TAFA2: variants seen among roughly 807,000 people sequenced by gnomAD.
TAFA2 encodes the protein chemokine-like protein TAFA-2.
A neutral mutation model predicts 18.8 loss-of-function variants in TAFA2; 7 were observed. The observed-to-expected ratio is 0.37, with a 90% CI of 0.21 to 0.70. TAFA2 has a LOEUF of 0.70. TAFA2 is among the 30% of genes least tolerant of loss of function. The pLI is 0.53. For synonymous variants in TAFA2, 60 were observed against 54.2 expected (o/e 1.11, Z -0.47); for missense variants, 122 against 158.1 (o/e 0.77, Z 1.23).
In TAFA2 at chr12:61,771,304, C is replaced by A. The variant is rs543586982; in HGVS notation, c.107-16280G>T. On this transcript the variant is annotated intron_variant, in intron 2 of 4. Transcript: ENST00000416284. ...GTGGGGGACTTCAATACTCCACTGA[C>A]AGCACTAGACAGGTCATCAAGACAG... 2.6e-5 allele frequency among the ~76,000 whole-genome samples: 4 copies of A among 152,084 alleles called. No individual in the cohort carries two copies. In the South Asian group the frequency reaches 8.3e-4, roughly 32 times the overall value.
intron 1 of TAFA2, among the ~76,000 whole-genome samples, chr12:62,002,283 C>T (rs892432506): frequency 1.5e-4 from 23 of 152,122 alleles, no homozygotes; most frequent in African/African-American, 5.6e-4. Context: ...ATATTTGAAT[C>T]ATAAAAGACC....
chr12:62,217,962 G>GTATTTATT (rs544456816), intron 1 of TAFA2, among the ~76,000 whole-genome samples: 15 of 131,632 alleles, frequency 1.1e-4, no homozygotes, highest in Non-Finnish European at 1.6e-4. Context: ...CTATTTTTAT[G>GTATTTATT]TATGTATTTA....
At chr12:61,910,798 C>G (rs992407886) in intron 1 of TAFA2, among the ~76,000 whole-genome samples, 5 of 152,216 alleles carry the variant, frequency 3.3e-5, no homozygotes, top group African/African-American at 1.2e-4. Flanking sequence ...CAGTCCTATT[C>G]TAATTAATTA....
At chr12:62,080,546 T>C (rs1868303068) in intron 1 of TAFA2, among the ~76,000 whole-genome samples, 1 of 152,044 alleles carries the variant, frequency 6.6e-6, no homozygotes, top group African/African-American at 2.4e-5. Context: ...AAGTGAATCA[T>C]AGACATGGGA....
At chr12:62,221,001 G>A (rs2062758260) in intron 1 of TAFA2, among the ~76,000 whole-genome samples, 1 of 152,042 alleles carries the variant, frequency 6.6e-6, no homozygotes, top group South Asian at 2.1e-4. Flanking sequence ...CAGCTAGGGA[G>A]GCTGAGGCAG....
chr12:61,723,515 G>T (rs1052165449), intron 4 of TAFA2, among the ~76,000 whole-genome samples: 1 of 152,090 alleles, frequency 6.6e-6, no homozygotes, highest in African/African-American at 2.4e-5. Context: ...CAAAGGGTCA[G>T]TTCCTCAATC....
chr12:61,879,785 G>T, intron 1 of TAFA2: 1 of 1,476,684 alleles, frequency 6.8e-7, no homozygotes, highest in Non-Finnish European at 9.4e-7. Flanking sequence ...GGAGACTCTG[G>T]GCCAGGAGAA....
chr12:61,789,795 G>A (rs1342960319), intron 2 of TAFA2, among the ~76,000 whole-genome samples: 1 of 151,760 alleles, frequency 6.6e-6, no homozygotes, highest in Non-Finnish European at 1.5e-5. Context: ...AACATTTAAG[G>A]AAGTAATACC....
At chr12:61,966,983 G>C (rs1332700028) in intron 1 of TAFA2, among the ~76,000 whole-genome samples, 1 of 151,758 alleles carries the variant, frequency 6.6e-6, no homozygotes, top group East Asian at 1.9e-4. Flanking sequence ...GTTTATATAA[G>C]AGCAGTAGAT....
chr12:61,825,592 G>GA (rs1196103077), intron 2 of TAFA2, among the ~76,000 whole-genome samples: 2 of 152,002 alleles, frequency 1.3e-5, no homozygotes, highest in Non-Finnish European at 2.9e-5. Context: ...TAGGTTAGTA[G>GA]AAAAAATGGA....
intron 1 of TAFA2, among the ~76,000 whole-genome samples, chr12:62,218,654 C>T (rs114557730): frequency 2.1e-4 from 32 of 152,112 alleles, no homozygotes; most frequent in Admixed American, 1.3e-4. Flanking sequence ...ACTATCTTTA[C>T]GATCTTTATA....
At chr12:62,083,285 A>G (rs1868351259) in intron 1 of TAFA2, among the ~76,000 whole-genome samples, 1 of 151,748 alleles carries the variant, frequency 6.6e-6, no homozygotes, top group African/African-American at 2.4e-5. Context: ...GCACTACTAC[A>G]GTTTCTATAA....
intron 1 of TAFA2, among the ~76,000 whole-genome samples, chr12:61,972,396 T>C (rs1475824919): frequency 6.6e-6 from 1 of 151,596 alleles, no homozygotes; most frequent in African/African-American, 2.4e-5. Flanking sequence ...CCCAAATTAG[T>C]TTCTTTAGGA....
intron 1 of TAFA2, among the ~76,000 whole-genome samples, chr12:62,036,192 G>A (rs1881607282): frequency 6.6e-6 from 1 of 151,916 alleles, no homozygotes. Flanking sequence ...GTCCCCTTAA[G>A]GACAAAATCT....
upstream of TAFA2, among the ~76,000 whole-genome samples, chr12:62,197,716 T>C (rs1218031950): frequency 6.6e-6 from 1 of 152,224 alleles, no homozygotes; most frequent in Non-Finnish European, 1.5e-5. Flanking sequence ...GTTCTTTTTT[T>C]GTCAGGCTTC....
chr12:62,243,604 T>C (rs1004895890), intron 1 of TAFA2, among the ~76,000 whole-genome samples: 1 of 152,214 alleles, frequency 6.6e-6, no homozygotes, highest in Admixed American at 6.5e-5. Context: ...GATGGCTCAG[T>C]AGCAATATTC....
At position 61,814,187 on chromosome 12, in the gene TAFA2, G is replaced by A. The variant is rs181839461; in HGVS notation, c.106+53133C>T. Among the ~76,000 whole-genome samples, 55 of 151,506 alleles carry A rather than the reference G, an allele frequency of 3.6e-4. 3 individuals are homozygous for A. The highest frequency in any genetic ancestry group is 1.3e-3 in the African/African-American group (54 of 40,824). On this transcript the variant is annotated intron_variant, in intron 2 of 4. Coordinates refer to ENST00000416284, the MANE Select transcript of TAFA2 (RefSeq NM_178539.5). Reference sequence around the variant, plus strand: ...AATGGGGAAAGAGGCAGCCAGCTGAGAAATTTGAAGAAGAGCATTTGTGCC... The same window carrying A: ...AATGGGGAAAGAGGCAGCCAGCTGAAAAATTTGAAGAAGAGCATTTGTGCC...
At chr12:62,204,412 G>A (rs2062683700) in intron 1 of TAFA2, among the ~76,000 whole-genome samples, 1 of 151,962 alleles carries the variant, frequency 6.6e-6, no homozygotes, top group East Asian at 1.9e-4. Flanking sequence ...TGTTCTCCTG[G>A]ATGATAACCC....
chr12:61,900,013 G>A (rs2198789), intron 1 of TAFA2, among the ~76,000 whole-genome samples: 38,953 of 152,004 alleles, frequency 0.26, 5,829 homozygotes, highest in East Asian at 0.37. Flanking sequence ...TTCGAAGCTG[G>A]GTTTGTGTTG....
Sources: gnomAD v4.1 joint callset for allele counts (sites outside exome capture counted in the v4.1 genomes callset) on GRCh38, gnomAD v4.1.1 for gene constraint, MANE v1.5 for transcripts, NCBI Gene and HGNC (gene_info 2026-07-23, HGNC 2026-07-21) for gene names.